N4BP2: variants seen among roughly 807,000 people sequenced by gnomAD.
N4BP2 encodes the protein NEDD4 binding protein 2.
In N4BP2, 91 loss-of-function variants were observed where a neutral mutation model predicts 152.8. That is an observed-to-expected ratio of 0.60 (90% CI 0.50 to 0.71). The LOEUF (loss-of-function observed/expected upper bound fraction) is 0.71, where lower values mean the gene tolerates loss of function less well. Ranked by LOEUF, N4BP2 falls within the 30% of genes least tolerant of loss-of-function variation. N4BP2 has a pLI of 0.00. For synonymous variants in N4BP2, 646 were observed against 705.3 expected, an observed-to-expected ratio of 0.92 and a Z score of 1.33; for missense variants, 1,923 against 2,059.1, an observed-to-expected ratio of 0.93 and a Z score of 1.28.
At chr4:40,188,420 T>C in the N4BP2 span, among the ~76,000 whole-genome samples, 1 of 152,150 alleles carries the variant, frequency 6.6e-6, no homozygotes, top group Non-Finnish European at 1.5e-5. Flanking sequence ...CTCATAATTA[T>C]TGGGATGATT....
downstream of N4BP2, among the ~76,000 whole-genome samples, chr4:40,158,855 A>G (rs923436435): frequency 2.0e-5 from 3 of 152,212 alleles, no homozygotes; most frequent in Non-Finnish European, 2.9e-5. Context: ...AGTCCAAAGC[A>G]GAATTCACTC....
the N4BP2 span, among the ~76,000 whole-genome samples, chr4:40,175,347 A>G: frequency 6.6e-6 from 1 of 151,880 alleles, no homozygotes; most frequent in Non-Finnish European, 1.5e-5. Flanking sequence ...AGAAAAAAAA[A>G]AAAAAAAGCC....
the N4BP2 span, among the ~76,000 whole-genome samples, chr4:40,169,682 A>AAGCTGGGTGTGG: frequency 6.6e-6 from 1 of 150,682 alleles, no homozygotes; most frequent in Non-Finnish European, 1.5e-5. Context: ...AAAAAAAAGG[A>AAGCTGGGTGTGG]AGCTGGGTGT....
the N4BP2 span, among the ~76,000 whole-genome samples, chr4:40,181,577 C>T: frequency 6.6e-6 from 1 of 152,176 alleles, no homozygotes. Flanking sequence ...CTCTCTTGTT[C>T]CTCCGAGCTC....
At chr4:40,058,951 G>C (rs1458342493) in intron 1 of N4BP2, among the ~76,000 whole-genome samples, 1 of 152,034 alleles carries the variant, frequency 6.6e-6, no homozygotes, top group Non-Finnish European at 1.5e-5. Context: ...CCCTAGAGTA[G>C]CTGGGACTAG....
intron 2 of N4BP2, among the ~76,000 whole-genome samples, chr4:40,082,009 G>A (rs560156463): frequency 1.3e-5 from 2 of 152,288 alleles, no homozygotes; most frequent in East Asian, 3.9e-4. Flanking sequence ...CTATTCGGGA[G>A]GCTGAGACAG....
chr4:40,071,151 C>T (rs1037238068), intron 1 of N4BP2, among the ~76,000 whole-genome samples: 1 of 152,140 alleles, frequency 6.6e-6, no homozygotes, highest in Non-Finnish European at 1.5e-5. Flanking sequence ...ACCCATCCAC[C>T]TCCTTCTCTA....
the N4BP2 span, among the ~76,000 whole-genome samples, chr4:40,181,354 CCTT>C: frequency 2.6e-5 from 4 of 152,088 alleles, no homozygotes; most frequent in African/African-American, 7.2e-5. Flanking sequence ...TGTTGTCATC[CCTT>C]CTTCTCAAAA....
the N4BP2 span, among the ~76,000 whole-genome samples, chr4:40,176,023 G>C: frequency 4.0e-5 from 6 of 149,828 alleles, no homozygotes; most frequent in East Asian, 7.9e-4. Context: ...CCGGGAGGCA[G>C]AGATTGCAGT....
At chr4:40,144,894 C>A in intron 16 of N4BP2, 94 bp downstream of exon 16, 1 of 899,816 alleles carries the variant, frequency 1.1e-6, no homozygotes, top group Non-Finnish European at 1.6e-6. Context: ...AATATGCAGG[C>A]TGAGAATATC....
chr4:40,072,643 C>A (rs535627928), intron 1 of N4BP2, among the ~76,000 whole-genome samples: 1 of 151,920 alleles, frequency 6.6e-6, no homozygotes, highest in South Asian at 2.1e-4. Flanking sequence ...CCCTGTACCC[C>A]CCCAGGCCTC....
intron 16 of N4BP2, among the ~76,000 whole-genome samples, chr4:40,147,934 G>A (rs1349504904): frequency 2.0e-5 from 3 of 151,156 alleles, no homozygotes; most frequent in Admixed American, 6.6e-5. Flanking sequence ...GACGATGGGC[G>A]GCCGGGCAGA....
At chr4:40,168,849 C>T in the N4BP2 span, among the ~76,000 whole-genome samples, 7 of 151,648 alleles carry the variant, frequency 4.6e-5, no homozygotes, top group African/African-American at 9.7e-5. Flanking sequence ...CTCAGTCTCC[C>T]GAGTAGCTGG....
intron 16 of N4BP2, among the ~76,000 whole-genome samples, chr4:40,147,501 G>A (rs1385027666): frequency 1.7e-4 from 25 of 149,700 alleles, no homozygotes; most frequent in Non-Finnish European, 2.5e-4. Flanking sequence ...GGGCAGAGGC[G>A]CCCCCCACCT....
rs970457436 is a variant in N4BP2 at position 40,122,385 on chromosome 4, T to A, written c.4198+76T>A. On this transcript the variant is annotated intron_variant, in intron 9 of 17. Coordinates refer to ENST00000261435, the MANE Select transcript of N4BP2 (RefSeq NM_018177.6). ...AGAGGGTTCTATTTTGTATTTTTTT[T>A]TTTTCTGAGATGGAGTCTCGCTCTG... is the stretch of plus-strand genomic sequence containing the variant. The A allele has an allele frequency of 2.3e-4, 250 of 1,069,064 alleles. 1 individual carries two copies. The highest frequency in any genetic ancestry group is 1.3e-5 in the Non-Finnish European group (10 of 773,100). The allele number at this position is 1,069,064 out of a possible 1,614,324, so 66.2% of individuals were successfully genotyped here.
chr4:40,059,124 G>C (rs932674093), intron 1 of N4BP2, among the ~76,000 whole-genome samples: 12 of 151,946 alleles, frequency 7.9e-5, no homozygotes. Flanking sequence ...CCGCCCGGCC[G>C]TTTTAAAACG....
At chr4:40,153,241 A>G (rs1472161211) in intron 17 of N4BP2, among the ~76,000 whole-genome samples, 1 of 152,238 alleles carries the variant, frequency 6.6e-6, no homozygotes, top group African/African-American at 2.4e-5. Flanking sequence ...GAAAGTAAAT[A>G]TATTTGTTTC....
chr4:40,173,479 A>G, the N4BP2 span, among the ~76,000 whole-genome samples: 5 of 152,322 alleles, frequency 3.3e-5, no homozygotes, highest in South Asian at 2.1e-4. Context: ...CATTTGTAGT[A>G]CACACTACGT....
At position 40,120,358 on chromosome 4, in the gene N4BP2, A is replaced by G; in HGVS notation, c.2247A>G (p.Lys749=). The G allele has an allele frequency of 6.2e-7, 1 of 1,613,100 alleles. No individual in the cohort carries two copies. The highest frequency in any genetic ancestry group is 1.1e-5 in the South Asian group (1 of 91,012). ...LANSGPLQNE[K]SSPGEIVEER... ...ATAGTGGACCACTTCAAAATGAAAA[A>G]TCCTCACCTGGTGAAATAGTGGAAG... Residue 749 remains lysine, a synonymous_variant, in exon 9 of 18, where the codon AAA becomes AAG. Coordinates refer to ENST00000261435, the MANE Select transcript of N4BP2 (RefSeq NM_018177.6).
Sources: gnomAD v4.1 joint callset for allele counts (sites outside exome capture counted in the v4.1 genomes callset) on GRCh38, gnomAD v4.1.1 for gene constraint, MANE v1.5 for transcripts, NCBI Gene and HGNC (gene_info 2026-07-23, HGNC 2026-07-21) for gene names.